DAP: variants seen among roughly 807,000 people sequenced by gnomAD.
DAP encodes death-associated protein 1.
In DAP, 8 loss-of-function variants were observed where a neutral mutation model predicts 13.8. That is an observed-to-expected ratio of 0.58 (90% CI 0.34 to 1.05). The LOEUF is 1.05. Among genes scored for constraint, DAP ranks in the 50% least tolerant of loss-of-function variants. DAP has a pLI of 0.03. For synonymous variants in DAP, 47 were observed against 47.5 expected (o/e 0.99, Z 0.04); for missense variants, 106 against 133.2 (o/e 0.80, Z 1.01).
At chr5:10,745,815 C>T (rs1739888335) in intron 2 of DAP, among the ~76,000 whole-genome samples, 1 of 152,164 alleles carries the variant, frequency 6.6e-6, no homozygotes, top group Admixed American at 6.5e-5. Context: ...GGCGATATCT[C>T]TTGCCCTCTT....
At chr5:10,758,679 G>A (rs530173756) in intron 1 of DAP, among the ~76,000 whole-genome samples, 2 of 152,258 alleles carry the variant, frequency 1.3e-5, no homozygotes, top group East Asian at 3.9e-4. Flanking sequence ...CCCAAACCTC[G>A]AATTTCATAA....
chr5:10,747,705 T>G (rs1035008523), intron 2 of DAP, among the ~76,000 whole-genome samples: 1 of 152,232 alleles, frequency 6.6e-6, no homozygotes, highest in East Asian at 1.9e-4. Context: ...GACTCACAGG[T>G]GCAAGAATTT....
chr5:10,700,106 A>AC (rs1321830597), intron 2 of DAP, among the ~76,000 whole-genome samples: 2 of 152,318 alleles, frequency 1.3e-5, no homozygotes, highest in East Asian at 3.9e-4. Context: ...GCAGGATGTG[A>AC]CATACTTCTA....
At chr5:10,686,973 G>T (rs1265537282) in intron 2 of DAP, among the ~76,000 whole-genome samples, 3 of 152,216 alleles carry the variant, frequency 2.0e-5, no homozygotes, top group East Asian at 3.8e-4. Context: ...TGCAGCTGAT[G>T]ACTTTAATTT....
chr5:10,699,134 A>G (rs1013177195), intron 2 of DAP, among the ~76,000 whole-genome samples: 1 of 152,210 alleles, frequency 6.6e-6, no homozygotes, highest in Non-Finnish European at 1.5e-5. Context: ...CTAAGGATCT[A>G]TATTGGAAGA....
Position 10,680,400 on chromosome 5 carries a change from C to T in DAP, c.*656G>A. Reference sequence around the variant, plus strand: ...GTGCCGAGATCTCATGCCAGAAGTCCTCCCTCGGAGCTACCTGTCTCCAGC... The same window carrying T: ...GTGCCGAGATCTCATGCCAGAAGTCTTCCCTCGGAGCTACCTGTCTCCAGC... On this transcript the variant is annotated 3_prime_UTR_variant, in exon 4 of 4. Transcript: ENST00000230895. 1 of 330,010 alleles carries T rather than the reference C, an allele frequency of 3.0e-6. No individual in the cohort carries two copies. Among genetic ancestry groups the T allele is most frequent in the Non-Finnish European group, 5.6e-6 (1 of 179,122 alleles). 20.4% of individuals were successfully genotyped at this position (330,010 alleles called of 1,614,324 possible).
intron 2 of DAP, among the ~76,000 whole-genome samples, chr5:10,726,870 C>T (rs946287306): frequency 6.6e-6 from 1 of 152,146 alleles, no homozygotes; most frequent in African/African-American, 2.4e-5. Flanking sequence ...TGCCAGTCCC[C>T]ACAGTGATGT....
At chr5:10,693,386 T>G (rs942320424) in intron 2 of DAP, among the ~76,000 whole-genome samples, 1 of 152,250 alleles carries the variant, frequency 6.6e-6, no homozygotes, top group African/African-American at 2.4e-5. Context: ...CAGGGACACA[T>G]GGCCTTTAAT....
At position 10,726,714 on chromosome 5, in the gene DAP, T is replaced by C. The variant is rs373583076; in HGVS notation, c.152+21461A>G. Among the ~76,000 whole-genome samples the C allele has an allele frequency of 7.2e-5, 11 of 152,316 alleles. No individual in the cohort carries two copies. The East Asian group carries it at 2.1e-3, about 29-fold the overall frequency. ...AGGGCCTGAGGTTTTATGTCACTTGTCAGCTAATACGTCAGCCTGCCACTG... is the reference window on the plus strand; with the variant it reads ...AGGGCCTGAGGTTTTATGTCACTTGCCAGCTAATACGTCAGCCTGCCACTG... On this transcript the variant is annotated intron_variant, in intron 2 of 3. Coordinates refer to ENST00000230895, the MANE Select transcript of DAP (RefSeq NM_004394.3).
chr5:10,714,025 G>A (rs1163547466), intron 2 of DAP, among the ~76,000 whole-genome samples: 3 of 141,466 alleles, frequency 2.1e-5, no homozygotes, highest in Non-Finnish European at 4.7e-5. Context: ...CATATGGGGT[G>A]TAGAACCGTG....
At chr5:10,751,243 A>T (rs551969159) in intron 1 of DAP, among the ~76,000 whole-genome samples, 179 of 152,332 alleles carry the variant, frequency 1.2e-3, no homozygotes, top group African/African-American at 3.8e-3. Flanking sequence ...CTTCAAGGTC[A>T]AATTCTTTTA....
At chr5:10,695,589 T>C (rs1017131457) in intron 2 of DAP, among the ~76,000 whole-genome samples, 1 of 152,256 alleles carries the variant, frequency 6.6e-6, no homozygotes, top group Non-Finnish European at 1.5e-5. Flanking sequence ...TTCTTTGCAG[T>C]GAGATGCTGT....
In DAP at chr5:10,728,740, G is replaced by A. The variant is rs928203582; in HGVS notation, c.152+19435C>T. 2.6e-5 allele frequency among the ~76,000 whole-genome samples: 4 copies of A among 152,190 alleles called. No homozygotes were observed. In the South Asian group the frequency reaches 6.2e-4, roughly 24 times the overall value. On this transcript the variant is annotated intron_variant, in intron 2 of 3. Coordinates refer to ENST00000230895, the MANE Select transcript of DAP (RefSeq NM_004394.3). Reference sequence around the variant, plus strand: ...CGACCACAGCACTGGACAGGGGGCTGAGGGGCTAACCCACGAAGAAGGTCT... The same window carrying A: ...CGACCACAGCACTGGACAGGGGGCTAAGGGGCTAACCCACGAAGAAGGTCT...
intron 2 of DAP, among the ~76,000 whole-genome samples, chr5:10,743,081 G>T (rs1371748809): frequency 8.0e-6 from 1 of 125,094 alleles, no homozygotes; most frequent in Non-Finnish European, 1.7e-5. Flanking sequence ...TCGGCTCTTT[G>T]TTTGTTGAAT....
intron 2 of DAP, among the ~76,000 whole-genome samples, chr5:10,705,014 C>T (rs953795801): frequency 6.6e-5 from 10 of 152,154 alleles, no homozygotes; most frequent in Admixed American, 6.5e-4. Flanking sequence ...TGGCTCTCAT[C>T]CTGCAATGCA....
At chr5:10,710,553 G>C (rs564187748) in intron 2 of DAP, among the ~76,000 whole-genome samples, 1 of 152,180 alleles carries the variant, frequency 6.6e-6, no homozygotes, top group African/African-American at 2.4e-5. Context: ...ATCGGGCCTG[G>C]AAGTGTGGTG....
intron 2 of DAP, among the ~76,000 whole-genome samples, chr5:10,745,210 T>C (rs1739870288): frequency 6.6e-6 from 1 of 152,116 alleles, no homozygotes; most frequent in South Asian, 2.1e-4. Flanking sequence ...TCGTGGAGTG[T>C]GTTAGAAAAA....
intron 2 of DAP, among the ~76,000 whole-genome samples, chr5:10,747,195 G>A (rs1260552265): frequency 1.3e-5 from 2 of 152,238 alleles, no homozygotes; most frequent in Non-Finnish European, 2.9e-5. Context: ...GAGACAGGCT[G>A]TATAAGTAGA....
chr5:10,745,166 G>A (rs547982806), intron 2 of DAP, among the ~76,000 whole-genome samples: 62 of 152,256 alleles, frequency 4.1e-4, no homozygotes, highest in South Asian at 2.5e-3. Context: ...AGTGCATGGT[G>A]GTAAAAGTAA....
Sources: allele counts gnomAD v4.1 joint callset (sites outside exome capture counted in the v4.1 genomes callset), GRCh38; gene constraint gnomAD v4.1.1; transcripts MANE v1.5; gene names NCBI Gene and HGNC (gene_info 2026-07-23, HGNC 2026-07-21).